Variants in ZNF254 observed in about 807,000 individuals in gnomAD.
ZNF254 encodes CTD-2017D11.1.
Under a neutral mutation model 12.4 loss-of-function variants are expected in ZNF254, and 10 were observed. That is an observed-to-expected ratio of 0.80 (90% CI 0.50 to 1.36). ZNF254 has a LOEUF of 1.36. ZNF254 is among the 40% of genes most tolerant of loss of function. The pLI, the probability that ZNF254 is intolerant of heterozygous loss-of-function variation, is 0.00. For missense variants in ZNF254, 996 were observed against 763.9 expected (o/e 1.30, Z -3.58); for synonymous variants, 305 against 253.4 (o/e 1.20, Z -1.93).
At position 24,127,505 on chromosome 19, in the gene ZNF254, C is replaced by G; in HGVS notation, c.1505C>G (p.Ser502Cys). 6.2e-7 allele frequency: 1 copy of G among 1,613,436 alleles called. No homozygotes were observed. The highest frequency in any genetic ancestry group is 8.5e-7 in the Non-Finnish European group (1 of 1,179,828). Residue 502 changes from serine (S) to cysteine (C), a missense_variant, in exon 4 of 4, where the codon TCC becomes TGC. Transcript: ENST00000357002. ...GAATGTGGCAAATCTTTTAGCCAAT[C>G]CTCAACCCTTACTACACATAAGATA... The part of the protein sequence containing the change: ...CEECGKSFSQ[S>C]STLTTHKIIH...
At chr19:24,046,524 C>CA in intron 2 of ZNF254, among the ~76,000 whole-genome samples, 1 of 151,678 alleles carries the variant, frequency 6.6e-6, no homozygotes, top group Non-Finnish European at 1.5e-5. Context: ...CCTGGGCTAT[C>CA]AAAACTTGAG....
Position 24,125,222 on chromosome 19 carries a change from C to CT in ZNF254, c.254-1017dup, listed in dbSNP as rs764449404. 7.0e-3 allele frequency among the ~76,000 whole-genome samples: 910 copies of CT among 130,718 alleles called. 9 individuals are homozygous for CT. The highest frequency in any genetic ancestry group is 0.018 in the South Asian group (71 of 4,048). The allele number at this position is 130,718 out of a possible 152,430, so 85.8% of individuals were successfully genotyped here. On this transcript the variant is annotated intron_variant, in intron 3 of 3. Transcript: ENST00000357002. ...TTGTTGAGCTTTTTTATTTTTACAT[C>CT]TTTTTTTTTTTTTTTACTTTTAGGA...
chr19:24,099,418 G>A (rs1436377435), intron 1 of ZNF254, among the ~76,000 whole-genome samples: 1 of 152,058 alleles, frequency 6.6e-6, no homozygotes, highest in African/African-American at 2.4e-5. Context: ...AGTGGCAGGT[G>A]GTACGAAACA....
intron 1 of ZNF254, among the ~76,000 whole-genome samples, chr19:24,035,225 G>A (rs1243461363): frequency 2.0e-5 from 3 of 152,006 alleles, no homozygotes; most frequent in Admixed American, 2.0e-4. Context: ...GGGCACTGGC[G>A]TGATCTCCGC....
At chr19:24,109,276 A>G (rs1004292969) in intron 3 of ZNF254, among the ~76,000 whole-genome samples, 3 of 152,194 alleles carry the variant, frequency 2.0e-5, no homozygotes, top group Admixed American at 6.5e-5. Context: ...CTGAAATTTT[A>G]TTGCTACATA....
intron 2 of ZNF254, among the ~76,000 whole-genome samples, chr19:24,062,098 A>G (rs934992710): frequency 1.5e-5 from 2 of 132,572 alleles, no homozygotes; most frequent in African/African-American, 6.7e-5. Context: ...AAAAAAAAAA[A>G]AAAAGAAAAA....
chr19:24,062,842 C>T (rs1010939179), intron 2 of ZNF254, among the ~76,000 whole-genome samples: 1 of 152,090 alleles, frequency 6.6e-6, no homozygotes, highest in African/African-American at 2.4e-5. Flanking sequence ...CTCTTGTTAC[C>T]GAGGCTGGAG....
At chr19:24,067,773 C>CT (rs1203668424) in intron 2 of ZNF254, among the ~76,000 whole-genome samples, 2 of 151,566 alleles carry the variant, frequency 1.3e-5, no homozygotes, top group African/African-American at 4.9e-5. Context: ...TAATGGGACT[C>CT]TTTTCTCTTG....
intron 1 of ZNF254, among the ~76,000 whole-genome samples, chr19:24,036,198 G>A (rs1006006540): frequency 6.6e-6 from 1 of 152,006 alleles, no homozygotes; most frequent in Non-Finnish European, 1.5e-5. Context: ...GAGTAGCTGG[G>A]ACTATAGGCG....
chr19:24,117,303 C>T (rs984153507), intron 3 of ZNF254, among the ~76,000 whole-genome samples: 1 of 152,164 alleles, frequency 6.6e-6, no homozygotes, highest in Admixed American at 6.5e-5. Context: ...AGAGGTGGAG[C>T]CTACAGAGGC....
At chr19:24,053,201 G>A (rs550855546) in intron 2 of ZNF254, among the ~76,000 whole-genome samples, 1 of 152,166 alleles carries the variant, frequency 6.6e-6, no homozygotes, top group Non-Finnish European at 1.5e-5. Flanking sequence ...GCACACCTGT[G>A]AGTCAGTGAC....
At chr19:24,113,814 G>A (rs1246853832) in intron 3 of ZNF254, among the ~76,000 whole-genome samples, 1 of 152,152 alleles carries the variant, frequency 6.6e-6, no homozygotes, top group African/African-American at 2.4e-5. Flanking sequence ...ATCTCCTTAA[G>A]CTGATAAGCA....
chr19:24,043,304 C>T (rs1055299777), intron 1 of ZNF254, among the ~76,000 whole-genome samples: 2 of 152,032 alleles, frequency 1.3e-5, no homozygotes, highest in African/African-American at 2.4e-5. Context: ...CTTTGTCGCC[C>T]AGGCTATAGT....
intron 3 of ZNF254, among the ~76,000 whole-genome samples, chr19:24,122,803 G>A (rs1158666147): frequency 7.0e-6 from 1 of 143,134 alleles, no homozygotes; most frequent in Non-Finnish European, 1.5e-5. Flanking sequence ...CAGTAACAAT[G>A]CTGCAATAAT....
Position 24,126,696 on chromosome 19 carries a change from T to C in ZNF254, c.696T>C (p.Tyr232=), listed in dbSNP as rs1464466488. The change falls in exon 4 of 4, where the codon TAT becomes TAC. Residue 232 remains tyrosine, a synonymous_variant. Transcript: ENST00000357002. ...CCCTTACTAATCATAGGAAAATTTA[T>C]ACTGAAGAGAAACCTTACAAATGTG... ...SSTLTNHRKI[Y]TEEKPYKCEE... 2 of 1,613,476 alleles carry C rather than the reference T, an allele frequency of 1.2e-6. No individual in the cohort carries two copies. The highest frequency in any genetic ancestry group is 2.2e-5 in the South Asian group (2 of 90,986).
chr19:24,121,608 A>C (rs1317305986), intron 3 of ZNF254, among the ~76,000 whole-genome samples: 1 of 151,972 alleles, frequency 6.6e-6, no homozygotes, highest in South Asian at 2.1e-4. Context: ...ACCAGGCTGG[A>C]GTGCAGTGGC....
At chr19:24,042,061 T>C (rs1243781616) in intron 1 of ZNF254, among the ~76,000 whole-genome samples, 2 of 137,516 alleles carry the variant, frequency 1.5e-5, no homozygotes, top group Non-Finnish European at 3.2e-5. Flanking sequence ...AGCTCAAGGA[T>C]TGTAAATACA....
intron 1 of ZNF254, among the ~76,000 whole-genome samples, chr19:24,089,010 C>T (rs1024743525): frequency 1.8e-5 from 2 of 112,750 alleles, no homozygotes; most frequent in Non-Finnish European, 3.3e-5. Flanking sequence ...GAGTTTCACT[C>T]TTGTTGCCCA....
In ZNF254 at chr19:24,127,929, G is replaced by A. The variant is rs770494112; in HGVS notation, c.1929G>A (p.Ser643=). The change falls in exon 4 of 4, where the codon TCG becomes TCA. Residue 643 remains serine, a synonymous_variant. Coordinates refer to ENST00000357002, the MANE Select transcript of ZNF254 (RefSeq NM_203282.4). Reference sequence around the variant, plus strand: ...TTGGCAAAGCCTTTAATCGGTCCTCGCACCTCACCACAGATAAGATAACTC... The same window carrying A: ...TTGGCAAAGCCTTTAATCGGTCCTCACACCTCACCACAGATAAGATAACTC... ...EKFGKAFNRS[S]HLTTDKITHW... 1.6e-5 allele frequency: 26 copies of A among 1,602,800 alleles called. No homozygotes were observed. Among genetic ancestry groups the A allele is most frequent in the African/African-American group, 4.0e-5 (3 of 74,500 alleles).
Sources: gnomAD v4.1 joint callset for allele counts (sites outside exome capture counted in the v4.1 genomes callset) on GRCh38, gnomAD v4.1.1 for gene constraint, MANE v1.5 for transcripts, NCBI Gene and HGNC (gene_info 2026-07-23, HGNC 2026-07-21) for gene names.